Variants in DST observed in about 807,000 individuals in gnomAD.
DST encodes the protein dystonin.
DST carries 253 observed loss-of-function variants against 875.2 expected under a neutral mutation model. The observed-to-expected ratio is 0.29, with a 90% CI of 0.26 to 0.32. The LOEUF (loss-of-function observed/expected upper bound fraction) is 0.32, where lower values mean the gene tolerates loss of function less well. Among genes scored for constraint, DST ranks in the 10% least tolerant of loss-of-function variants. DST has a pLI of 1.00. For synonymous variants in DST, 3,124 were observed against 3,197.1 expected (o/e 0.98, Z 0.77); for missense variants, 8,287 against 9,111.6 (o/e 0.91, Z 3.68).
In DST at chr6:56,553,196, G is replaced by T. The variant is rs753691655; in HGVS notation, c.15596C>A (p.Ala5199Asp). 38 of 1,613,782 alleles carry T rather than the reference G, an allele frequency of 2.4e-5. No homozygotes were observed. Among genetic ancestry groups the T allele is most frequent in the Non-Finnish European group, 3.1e-5 (37 of 1,179,888 alleles). The change falls in exon 61 of 104, where the codon GCT (alanine) becomes GAT (aspartate). Residue 5199 changes from alanine (A) to aspartate (D), a missense_variant. This residue lies in a region of DST where 1,513 missense variants were observed against 1,677.8 expected (regional missense o/e 0.90). Transcript: ENST00000680361. ...CTTGGCAATAGAATTCTCTCCTTCAGCAGGATCCAAGCAAAATTTTATTTC... is the reference window on the plus strand; with the variant it reads ...CTTGGCAATAGAATTCTCTCCTTCATCAGGATCCAAGCAAAATTTTATTTC... ...LEEIKFCLDP[A>D]EGENSIAKLK...
chr6:56,552,945 T>C lies in DST; in HGVS notation c.15847A>G (p.Lys5283Glu). 6.2e-7 allele frequency: 1 copy of C among 1,614,064 alleles called. No homozygotes were observed. Residue 5283 changes from lysine (K) to glutamate (E), a missense_variant, in exon 61 of 104, where the codon AAA becomes GAA. Transcript: ENST00000680361. ...CACTGAAGCTGCCTTTTAGATTCTT[T>C]GGAAACTTCTTGAAATTCTTTAAAC... is the stretch of plus-strand genomic sequence containing the variant. Reference protein sequence around the residue: ...QKFKEFQEVSKESKRQLQCAK... With the variant: ...QKFKEFQEVSEESKRQLQCAK...
At chr6:56,757,797 G>C (rs1215615001) in intron 4 of DST, among the ~76,000 whole-genome samples, 1 of 152,186 alleles carries the variant, frequency 6.6e-6, no homozygotes, top group Non-Finnish European at 1.5e-5. Context: ...GCAGGAACAA[G>C]AAGTAAGGAG....
At chr6:56,760,176 A>C (rs2099613978) in intron 4 of DST, among the ~76,000 whole-genome samples, 1 of 152,240 alleles carries the variant, frequency 6.6e-6, no homozygotes, top group African/African-American at 2.4e-5. Context: ...TAACTTTGAA[A>C]TATGTACCTA....
At chr6:56,566,524 GCACCCACTGTCTAA>G (rs1329813259) in intron 55 of DST, among the ~76,000 whole-genome samples, 1 of 152,174 alleles carries the variant, frequency 6.6e-6, no homozygotes, top group Non-Finnish European at 1.5e-5. Flanking sequence ...TCCGTGGGCT[GCACCCACTGTCTAA>G]CCAGTCCCAA....
At chr6:56,747,612 GCTT>G (rs2099576428) in intron 4 of DST, among the ~76,000 whole-genome samples, 1 of 152,138 alleles carries the variant, frequency 6.6e-6, no homozygotes, top group African/African-American at 2.4e-5. Flanking sequence ...AGGACAGAAA[GCTT>G]CTGCAACTCT....
intron 2 of DST, among the ~76,000 whole-genome samples, chr6:56,905,216 C>CGTGT (rs150944175): frequency 2.7e-5 from 4 of 150,580 alleles, no homozygotes; most frequent in African/African-American, 9.7e-5. Context: ...GATGTGCACT[C>CGTGT]GTGTGTGTGT....
rs750568011 is a variant in DST, at chr6:56,607,270, T to C, written c.7358A>G (p.Asp2453Gly). ...KLMHSQGSFN[D>G]THTPESNGNK... is the part of the protein sequence containing the mutation. Reference sequence around the variant, plus strand: ...TCCATTGCTCTCTGGGGTGTGTGTATCATTAAAACTTCCCTGACTGTGCAT... The same window carrying C: ...TCCATTGCTCTCTGGGGTGTGTGTACCATTAAAACTTCCCTGACTGTGCAT... The change falls in exon 40 of 104, where the codon GAT becomes GGT. Residue 2453 changes from aspartate (D) to glycine (G), a missense_variant. Around this residue, in one of 10 missense-constraint regions of DST, gnomAD observed 3,138 missense variants for 3,116.6 expected, o/e 1.01. Transcript: ENST00000680361. The C allele has an allele frequency of 3.3e-5, 53 of 1,613,362 alleles. No homozygotes were observed. Among genetic ancestry groups the C allele is most frequent in the Non-Finnish European group, 4.4e-5 (52 of 1,179,644 alleles).
In DST at chr6:56,553,416, A is replaced by G. The variant is rs751708590; in HGVS notation, c.15376T>C (p.Leu5126=). ...KTIAEGENLL[L]KTQGSEKAAL... ...GCCTTCTCAGACCCTTGTGTTTTTA[A>G]TAACAGATTTTCACCTTCTGCAATG... The change falls in exon 61 of 104, where the codon TTA becomes CTA. Residue 5126 remains leucine, a synonymous_variant. Transcript: ENST00000680361. 17 of 1,600,980 alleles carry G rather than the reference A, an allele frequency of 1.1e-5. No homozygotes were observed. The highest frequency in any genetic ancestry group is 1.4e-5 in the Non-Finnish European group (16 of 1,175,308).
intron 9 of DST, among the ~76,000 whole-genome samples, chr6:56,691,517 A>C (rs2099229293): frequency 6.6e-6 from 1 of 152,164 alleles, no homozygotes; most frequent in South Asian, 2.1e-4. Context: ...AACATCACAA[A>C]TATTCTTTAT....
intron 4 of DST, among the ~76,000 whole-genome samples, chr6:56,748,242 G>C (rs1234466133): frequency 1.3e-5 from 2 of 152,068 alleles, no homozygotes; most frequent in Non-Finnish European, 2.9e-5. Context: ...TGTATACCCT[G>C]TATATGGCTT....
Position 56,460,201 on chromosome 6 carries a change from T to C in DST, c.23124A>G (p.Lys7708=). The change falls in exon 103 of 104, where the codon AAA becomes AAG. Residue 7708 remains lysine, a synonymous_variant. Coordinates refer to ENST00000680361, the MANE Select transcript of DST (RefSeq NM_001374736.1). Reference sequence around the variant, plus strand: ...CACTGTCCTCCCCAGAGTGGAAGCCTTTCCCTGATAAATATCCTGGAAGTC... The same window carrying C: ...CACTGTCCTCCCCAGAGTGGAAGCCCTTCCCTGATAAATATCCTGGAAGTC... ...KLRLPGYLSG[K]GFHSGEDSGL... is the part of the protein sequence containing the mutation. 2 of 1,613,986 alleles carry C rather than the reference T, an allele frequency of 1.2e-6. No homozygotes were observed. Among genetic ancestry groups the C allele is most frequent in the Non-Finnish European group, 1.7e-6 (2 of 1,179,862 alleles).
At chr6:56,874,600 G>C (rs1331056538) in intron 3 of DST, among the ~76,000 whole-genome samples, 2 of 152,120 alleles carry the variant, frequency 1.3e-5, no homozygotes, top group African/African-American at 4.8e-5. Context: ...CTACATAAGG[G>C]AAAACTATGG....
chr6:56,954,457 T>G lies in DST; in HGVS notation c.131A>C (p.Lys44Thr). ...GACCGATTTCATCGGATGCCTCCCTTTCTGGAGCTTGCGGTGCCAGCAGCA... is the reference window on the plus strand; with the variant it reads ...GACCGATTTCATCGGATGCCTCCCTGTCTGGAGCTTGCGGTGCCAGCAGCA... Reference protein sequence around the residue: ...FFCCWHRKLQKGRHPMKSVFS... With the variant: ...FFCCWHRKLQTGRHPMKSVFS... The change falls in exon 1 of 104, where the codon AAA (lysine) becomes ACA (threonine). Residue 44 changes from lysine to threonine, a missense_variant. Around this residue, in one of 10 missense-constraint regions of DST, gnomAD observed 1,160 missense variants for 1,424.3 expected, o/e 0.81. Transcript: ENST00000680361. 1 of 1,367,478 alleles carries G rather than the reference T, an allele frequency of 7.3e-7. No individual in the cohort carries two copies. Among genetic ancestry groups the G allele is most frequent in the Non-Finnish European group, 9.8e-7 (1 of 1,021,812 alleles). The allele number at this position is 1,367,478 out of a possible 1,614,324, so 84.7% of individuals were successfully genotyped here.
Position 56,602,864 on chromosome 6 carries a change from CTT to C in DST, c.11307+16_11307+17del, listed in dbSNP as rs1223654740. On this transcript the variant is annotated intron_variant, in intron 43 of 103. Coordinates refer to ENST00000680361, the MANE Select transcript of DST (RefSeq NM_001374736.1). ...TAGTTTTTGAAATATATTTTGTCAT[CTT>C]TGTTTTGATACTTGCCTTGAGAAAC... 1 of 1,474,370 alleles carries C rather than the reference CTT, an allele frequency of 6.8e-7. No homozygotes were observed. Among genetic ancestry groups the C allele is most frequent in the Non-Finnish European group, 9.0e-7 (1 of 1,115,836 alleles). The allele number at this position is 1,474,370 out of a possible 1,614,324, so 91.3% of individuals were successfully genotyped here.
At chr6:56,942,835 G>C (rs1263239664) in intron 2 of DST, among the ~76,000 whole-genome samples, 1 of 149,900 alleles carries the variant, frequency 6.7e-6, no homozygotes, top group Non-Finnish European at 1.5e-5. Flanking sequence ...AGCCGCCTCA[G>C]CCTCCCAAGT....
At chr6:56,831,362 C>T (rs1316438181) in intron 4 of DST, among the ~76,000 whole-genome samples, 1 of 152,184 alleles carries the variant, frequency 6.6e-6, no homozygotes, top group Non-Finnish European at 1.5e-5. Context: ...TGTGATAATA[C>T]TTTTCCTAGA....
chr6:56,685,591 G>A (rs2099179737), intron 9 of DST, among the ~76,000 whole-genome samples: 1 of 152,068 alleles, frequency 6.6e-6, no homozygotes, highest in South Asian at 2.1e-4. Context: ...GGCCAACACG[G>A]TGAAACCTCG....
intron 2 of DST, among the ~76,000 whole-genome samples, chr6:56,914,077 C>T (rs923480233): frequency 6.6e-6 from 1 of 152,018 alleles, no homozygotes; most frequent in Non-Finnish European, 1.5e-5. Flanking sequence ...GTTGAAATTG[C>T]CCTACACTCT....
At chr6:56,924,951 G>GAAATTTACTATT (rs1806246091) in intron 2 of DST, among the ~76,000 whole-genome samples, 1 of 152,086 alleles carries the variant, frequency 6.6e-6, no homozygotes, top group Non-Finnish European at 1.5e-5. Context: ...CCTGTGCTAT[G>GAAATTTACTATT]GAAATTTACT....
Sources: allele counts gnomAD v4.1 joint callset (sites outside exome capture counted in the v4.1 genomes callset), GRCh38; gene constraint gnomAD v4.1.1; regional missense constraint gnomAD v4.1.1; transcripts MANE v1.5; gene names NCBI Gene and HGNC (gene_info 2026-07-23, HGNC 2026-07-21).